Variants in GALNT9 observed in about 807,000 individuals in gnomAD.
GALNT9 encodes GalNAc transferase 9.
A neutral mutation model predicts 63.1 loss-of-function variants in GALNT9; 47 were observed. That is an observed-to-expected ratio of 0.75 (90% CI 0.59 to 0.95). The LOEUF (loss-of-function observed/expected upper bound fraction) is 0.95, where lower values mean the gene tolerates loss of function less well. Ranked by LOEUF, GALNT9 falls within the 40% of genes least tolerant of loss-of-function variation. The probability of loss-of-function intolerance (pLI) is 0.00; values close to 1 mark genes in which losing one functional copy is unlikely to be tolerated. For missense variants in GALNT9, 829 were observed against 874.8 expected (o/e 0.95, Z 0.66); for synonymous variants, 396 against 365.7 (o/e 1.08, Z -0.94).
intron 1 of GALNT9, among the ~76,000 whole-genome samples, chr12:132,289,993 G>C (rs1880746002): frequency 6.6e-6 from 1 of 152,200 alleles, no homozygotes; most frequent in Non-Finnish European, 1.5e-5. Context: ...TTCTTCCTTG[G>C]CTGGTGGAGT....
rs1160259236 is a variant in GALNT9 at position 132,236,975 on chromosome 12, C to T, written c.1077+10935G>A. Among the ~76,000 whole-genome samples the T allele has an allele frequency of 6.6e-6, 1 of 152,198 alleles. No individual in the cohort carries two copies. The highest frequency in any genetic ancestry group is 2.4e-5 in the African/African-American group (1 of 41,438). On this transcript the variant is annotated intron_variant, in intron 6 of 10. Transcript: ENST00000328957. The surrounding 1 kb of genome is among the most constrained non-coding windows in gnomAD (Gnocchi z 5.6). ...TCTTATCCTCATCCAATCTGGTAAC[C>T]CTCGTATCCTGGATCTCTCCGGGTG...
chr12:132,197,321 G>C, intron 10 of GALNT9, 68 bp from the exon 11 acceptor site: 1 of 1,579,828 alleles, frequency 6.3e-7, no homozygotes, highest in East Asian at 2.2e-5. Flanking sequence ...CCACCTCAGG[G>C]AGGCTGCTTC....
intron 2 of GALNT9, among the ~76,000 whole-genome samples, chr12:132,266,051 C>G (rs1037179592): frequency 7.4e-6 from 1 of 135,688 alleles, no homozygotes; most frequent in Non-Finnish European, 1.5e-5. Flanking sequence ...TCAACAGGCA[C>G]GCACAGCCAA....
At position 132,201,118 on chromosome 12, in the gene GALNT9, T is replaced by C. The variant is rs759178834; in HGVS notation, c.1401+6A>G. On this transcript the variant is annotated splice_donor_region_variant and intron_variant, in intron 8 of 10. Coordinates refer to ENST00000328957, the MANE Select transcript of GALNT9 (RefSeq NM_001122636.2). ...GGCCGAACGGGGCCCTCGGGGGAGG[T>C]GCTACCTCTCCGTACGTGAGGGTGT... 15 of 1,609,738 alleles carry C rather than the reference T, an allele frequency of 9.3e-6. No homozygotes were observed. In the Admixed American group the frequency reaches 2.3e-4, roughly 25 times the overall value.
At chr12:132,300,300 A>C in intron 1 of GALNT9, among the ~76,000 whole-genome samples, 1 of 142,010 alleles carries the variant, frequency 7.0e-6, no homozygotes, top group African/African-American at 2.6e-5. Context: ...TGAGATGACC[A>C]AGCCACTCCT....
At chr12:132,210,626 C>T (rs1876913944) in intron 6 of GALNT9, among the ~76,000 whole-genome samples, 1 of 152,204 alleles carries the variant, frequency 6.6e-6, no homozygotes, top group African/African-American at 2.4e-5. Flanking sequence ...ATGCTTGAGG[C>T]CCGAGCCCCG....
Position 132,197,203 on chromosome 12 carries a change from C to T in GALNT9, c.1716G>A (p.Met572Ile), listed in dbSNP as rs199869045. The change falls in exon 11 of 11, where the codon ATG becomes ATA. Residue 572 changes from methionine to isoleucine, a missense_variant. Met to Ile is a conservative substitution (Grantham distance 10). Coordinates refer to ENST00000328957, the MANE Select transcript of GALNT9 (RefSeq NM_001122636.2). The stretch of plus-strand genomic sequence containing the variant: ...GGAGCCCAAAGTTGGCATCTTTGGA[C>T]ATCTCCACCTCCAGGCAGCGGCCCG... Reference protein sequence around the residue: ...RATGRCLEVEMSKDANFGLRL... With the variant: ...RATGRCLEVEISKDANFGLRL... The T allele has an allele frequency of 1.7e-4, 270 of 1,613,862 alleles. No homozygotes were observed. The highest frequency in any genetic ancestry group is 2.2e-4 in the Non-Finnish European group (261 of 1,180,014).
intron 2 of GALNT9, chr12:132,274,657 C>A (rs1880007292): frequency 6.6e-6 from 1 of 152,240 alleles, no homozygotes; most frequent in East Asian, 1.9e-4. Flanking sequence ...GAGCGGGCGT[C>A]GTCCAAAGCC....
rs782499236 is a variant in GALNT9, at chr12:132,328,960, G to C, written c.238+6C>G. On this transcript the variant is annotated splice_donor_region_variant and intron_variant, in intron 1 of 10. Transcript: ENST00000328957. ...GCCCCCACTCCGCCCCGGCGCCCCC[G>C]CTCACCGTTGAGCTGGTTGTAGACC... 5.3e-6 allele frequency: 8 copies of C among 1,515,606 alleles called. No homozygotes were observed. Among genetic ancestry groups the C allele is most frequent in the Admixed American group, 4.0e-5 (2 of 49,562 alleles). 93.9% of individuals were successfully genotyped at this position (1,515,606 alleles called of 1,614,324 possible). A position where few individuals can be genotyped will look rare whatever the true frequency, so the allele number is the denominator to read the frequency against.
chr12:132,216,014 C>T (rs920068199), intron 6 of GALNT9, among the ~76,000 whole-genome samples: 1 of 152,032 alleles, frequency 6.6e-6, no homozygotes, highest in African/African-American at 2.4e-5. Context: ...GAGACGGTGG[C>T]GGGGCACACA....
chr12:132,285,675 A>G (rs1016031375), intron 2 of GALNT9, among the ~76,000 whole-genome samples: 1 of 152,224 alleles, frequency 6.6e-6, no homozygotes, highest in African/African-American at 2.4e-5. Flanking sequence ...CAGGGCTGGC[A>G]GGGCCTGACA....
rs1555239286 is a variant in GALNT9, at chr12:132,257,869, G to A, written c.779C>T (p.Ser260Leu). ...FNTGWAEPAL[S>L]RIREDRRRIV... ...GCGACGCCGGTCCTCTCGGATCCGC[G>A]ACAGTGCGGGCTCGGCCCTGCGGAG... Residue 260 changes from serine to leucine, a missense_variant, in exon 5 of 11, where the codon TCG becomes TTG. Ser to Leu is a moderately radical substitution (Grantham distance 145). Coordinates refer to ENST00000328957, the MANE Select transcript of GALNT9 (RefSeq NM_001122636.2). The A allele has an allele frequency of 1.4e-5, 22 of 1,545,100 alleles. No homozygotes were observed. The highest frequency in any genetic ancestry group is 2.4e-5 in the East Asian group (1 of 40,886).
At chr12:132,202,226 G>A (rs1261254629) in intron 7 of GALNT9, among the ~76,000 whole-genome samples, 1 of 152,246 alleles carries the variant, frequency 6.6e-6, no homozygotes, top group Non-Finnish European at 1.5e-5. Flanking sequence ...CGGCCTCACT[G>A]CCCGGGGGCC....
Position 132,329,225 on chromosome 12 carries a change from C to G in GALNT9, c.-22G>C. The G allele has an allele frequency of 6.5e-7, 1 of 1,533,306 alleles. No individual in the cohort carries two copies. Among genetic ancestry groups the G allele is most frequent in the East Asian group, 2.5e-5 (1 of 40,304 alleles). The allele number at this position is 1,533,306 out of a possible 1,614,324, so 95.0% of individuals were successfully genotyped here. A position where few individuals can be genotyped will look rare whatever the true frequency, so the allele number is the denominator to read the frequency against. ...CCATGAACACGGCTGCAGCGGGGGC[C>G]TCACCCGCGGGGCATCCCCAGCATC... On this transcript the variant is annotated 5_prime_UTR_variant, in exon 1 of 11. Transcript: ENST00000328957.
chr12:132,262,512 G>A lies in GALNT9; in HGVS notation c.533C>T (p.Thr178Met), dbSNP rs1393098613. Reference protein sequence around the residue: ...LRSVHSVVNHTPSQLLKEVIL... With the variant: ...LRSVHSVVNHMPSQLLKEVIL... Reference sequence around the variant, plus strand: ...GACCTCCTTGAGGAGCTGGGAGGGCGTGTGGTTGACCACGCTGTGCACGGA... The same window carrying A: ...GACCTCCTTGAGGAGCTGGGAGGGCATGTGGTTGACCACGCTGTGCACGGA... The change falls in exon 3 of 11, where the codon ACG becomes ATG. Residue 178 changes from threonine to methionine, a missense_variant. Coordinates refer to ENST00000328957, the MANE Select transcript of GALNT9 (RefSeq NM_001122636.2). 7.1e-6 allele frequency: 11 copies of A among 1,551,212 alleles called. No individual in the cohort carries two copies. The highest frequency in any genetic ancestry group is 9.6e-6 in the Non-Finnish European group (11 of 1,146,886).
rs568127215 is a variant in GALNT9 at position 132,265,628 on chromosome 12, G to A, written c.420-3003C>T. Among the ~76,000 whole-genome samples the A allele has an allele frequency of 1.6e-4, 24 of 152,248 alleles. No homozygotes were observed. The highest frequency in any genetic ancestry group is 3.4e-3 in the Middle Eastern group (1 of 294). On this transcript the variant is annotated intron_variant, in intron 2 of 10. Transcript: ENST00000328957. This position sits in a 1 kb window ranked among gnomAD's most constrained non-coding sequence, Gnocchi z 5.3. Reference sequence around the variant, plus strand: ...TAAGCAGCCCCACAGGACACCAGCCGACAGCCGGATGCTTACAAGTTCCTG... The same window carrying A: ...TAAGCAGCCCCACAGGACACCAGCCAACAGCCGGATGCTTACAAGTTCCTG...
intron 1 of GALNT9, among the ~76,000 whole-genome samples, chr12:132,290,111 T>G (rs1298648717): frequency 6.6e-6 from 1 of 152,004 alleles, no homozygotes; most frequent in Non-Finnish European, 1.5e-5. Flanking sequence ...CTGCAGTGGC[T>G]TCATCAGGGG....
chr12:132,264,820 G>A (rs1355607875), intron 2 of GALNT9, among the ~76,000 whole-genome samples: 1 of 152,226 alleles, frequency 6.6e-6, no homozygotes, highest in Non-Finnish European at 1.5e-5. Flanking sequence ...AGTGGGGCCC[G>A]TGGATGCTGG....
At chr12:132,268,907 G>A (rs1278505338) in intron 2 of GALNT9, among the ~76,000 whole-genome samples, 1 of 152,234 alleles carries the variant, frequency 6.6e-6, no homozygotes, top group African/African-American at 2.4e-5. Flanking sequence ...CGGAGGGGCC[G>A]GAACGCCCAC....
Sources: allele counts gnomAD v4.1 joint callset (sites outside exome capture counted in the v4.1 genomes callset), GRCh38; gene constraint gnomAD v4.1.1; non-coding constraint Gnocchi (gnomAD v3.1); transcripts MANE v1.5; gene names NCBI Gene and HGNC (gene_info 2026-07-23, HGNC 2026-07-21).